FKRP: variants seen among roughly 807,000 people sequenced by gnomAD.
FKRP encodes the protein fukutin related protein.
A neutral mutation model predicts 30.6 loss-of-function variants in FKRP; 25 were observed. The ratio of observed to expected loss-of-function variants is 0.82; its 90% CI spans 0.60 to 1.14. The LOEUF is 1.14. FKRP is among the 50% of genes most tolerant of loss of function. FKRP has a pLI of 0.00. For missense variants in FKRP, 771 were observed against 727.8 expected, an observed-to-expected ratio of 1.06 and a Z score of -0.68; for synonymous variants, 358 against 342.5, an observed-to-expected ratio of 1.05 and a Z score of -0.50.
Position 46,755,777 on chromosome 19 carries a change from C to T in FKRP, c.327C>T (p.Asp109=), listed in dbSNP as rs1321583236. The T allele has an allele frequency of 2.0e-6, 3 of 1,529,714 alleles. No homozygotes were observed. Among genetic ancestry groups the T allele is most frequent in the Non-Finnish European group, 2.6e-6 (3 of 1,142,248 alleles). 94.8% of individuals were successfully genotyped at this position (1,529,714 alleles called of 1,614,324 possible). Reference sequence around the variant, plus strand: ...TGGCGCTGCTCCAGCCCGCCCTGGACCGGCCAGCCGCAGCCTCGCGCCCGG... The same window carrying T: ...TGGCGCTGCTCCAGCCCGCCCTGGATCGGCCAGCCGCAGCCTCGCGCCCGG... ...VRLALLQPAL[D]RPAAASRPET... The change falls in exon 4 of 4, where the codon GAC becomes GAT. Residue 109 remains aspartate, a synonymous_variant. Coordinates refer to ENST00000318584, the MANE Select transcript of FKRP (RefSeq NM_024301.5).
chr19:46,756,718 G>C lies in FKRP; in HGVS notation c.1268G>C (p.Arg423Pro), dbSNP rs886042367. 2 of 1,611,330 alleles carry C rather than the reference G, an allele frequency of 1.2e-6. No homozygotes were observed. The highest frequency in any genetic ancestry group is 1.7e-6 in the Non-Finnish European group (2 of 1,178,976). Reference sequence around the variant, plus strand: ...GTGGACCTGTGGCCCTTCTACCCCCGCAATGGCGTCATGACCAAGGACACG... The same window carrying C: ...GTGGACCTGTGGCCCTTCTACCCCCCCAATGGCGTCATGACCAAGGACACG... ...LHVDLWPFYPRNGVMTKDTWL... is the reference protein window; with the variant it reads ...LHVDLWPFYPPNGVMTKDTWL... The change falls in exon 4 of 4, where the codon CGC (arginine) becomes CCC (proline). Residue 423 changes from arginine (R) to proline (P), a missense_variant. By Grantham distance (103) the Arg-to-Pro change is moderately radical. Transcript: ENST00000318584. The surrounding 1 kb of genome is among the most constrained non-coding windows in gnomAD (Gnocchi z 6.6).
chr19:46,752,857 G>T (rs113147545), intron 3 of FKRP, among the ~76,000 whole-genome samples: 1 of 151,894 alleles, frequency 6.6e-6, no homozygotes, highest in African/African-American at 2.4e-5. Flanking sequence ...AGAGCAAGAC[G>T]CTGTCCGTTT....
chr19:46,746,048 C>CGG, upstream of FKRP: 1 of 1,033,980 alleles, frequency 9.7e-7, no homozygotes, highest in Non-Finnish European at 1.2e-6. Context: ...CGCCGGCCGT[C>CGG]CCGGCGGCCA....
chr19:46,756,604 CGGT>C lies in FKRP; in HGVS notation c.1160_1162del (p.Val387del), dbSNP rs1216471322. On this transcript the variant is annotated inframe_deletion, in exon 4 of 4. Coordinates refer to ENST00000318584, the MANE Select transcript of FKRP (RefSeq NM_024301.5). The surrounding 1 kb of genome is among the most constrained non-coding windows in gnomAD (Gnocchi z 6.6). ...CAGCTGCGGGGGGCAGAGGCCGGCTCGGTGGTGGATGAGCGCGGCTTCGTATGG... is the reference window on the plus strand; with the variant it reads ...CAGCTGCGGGGGGCAGAGGCCGGCTCGGTGGATGAGCGCGGCTTCGTATGG... 1 of 1,611,280 alleles carries C rather than the reference CGGT, an allele frequency of 6.2e-7. No individual in the cohort carries two copies. Among genetic ancestry groups the C allele is most frequent in the Non-Finnish European group, 8.5e-7 (1 of 1,179,190 alleles).
In FKRP at chr19:46,756,640, C is replaced by T. The variant is rs767570224; in HGVS notation, c.1190C>T (p.Ala397Val). Reference protein sequence around the residue: ...VDERGFVWEKAVEGDFFRVQY... With the variant: ...VDERGFVWEKVVEGDFFRVQY... ...GAGCGCGGCTTCGTATGGGAGAAGG[C>T]GGTCGAGGGCGACTTTTTCCGCGTG... The change falls in exon 4 of 4, where the codon GCG (alanine) becomes GTG (valine). Residue 397 changes from alanine (A) to valine (V), a missense_variant. Transcript: ENST00000318584. This position sits in a 1 kb window ranked among gnomAD's most constrained non-coding sequence, Gnocchi z 6.6. The T allele has an allele frequency of 6.8e-6, 11 of 1,612,976 alleles. No homozygotes were observed. The highest frequency in any genetic ancestry group is 1.7e-5 in the Admixed American group (1 of 59,834).
Position 46,756,273 on chromosome 19 carries a change from C to A in FKRP, c.823C>A (p.Arg275Ser). The part of the protein sequence containing the change: ...RAALLRALGI[R>S]LVSWEGGRLE... ...GGCGCTGCTCCGCGCGCTGGGCATCCGCCTAGTGAGCTGGGAAGGCGGGCG... is the reference window on the plus strand; with the variant it reads ...GGCGCTGCTCCGCGCGCTGGGCATCAGCCTAGTGAGCTGGGAAGGCGGGCG... The change falls in exon 4 of 4, where the codon CGC becomes AGC. Residue 275 changes from arginine (R) to serine (S), a missense_variant. Coordinates refer to ENST00000318584, the MANE Select transcript of FKRP (RefSeq NM_024301.5). This position sits in a 1 kb window ranked among gnomAD's most constrained non-coding sequence, Gnocchi z 6.6. 1 of 1,510,330 alleles carries A rather than the reference C, an allele frequency of 6.6e-7. No individual in the cohort carries two copies. The allele number at this position is 1,510,330 out of a possible 1,614,324, so 93.6% of individuals were successfully genotyped here.
At position 46,757,111 on chromosome 19, in the gene FKRP, A is replaced by C; in HGVS notation, c.*173A>C. The C allele has an allele frequency of 1.1e-6, 1 of 890,194 alleles. No homozygotes were observed. The highest frequency in any genetic ancestry group is 2.3e-5 in the Admixed American group (1 of 43,378). The allele number at this position is 890,194 out of a possible 1,614,324, so 55.1% of individuals were successfully genotyped here. ...CTGGCATTGGCAGGAGGAGAGCACC[A>C]GGACGAGGATGGGAAGCGACCTCCA... On this transcript the variant is annotated 3_prime_UTR_variant, in exon 4 of 4. Coordinates refer to ENST00000318584, the MANE Select transcript of FKRP (RefSeq NM_024301.5).
Position 46,757,026 on chromosome 19 carries a change from C to G in FKRP, c.*88C>G. 3 of 1,532,862 alleles carry G rather than the reference C, an allele frequency of 2.0e-6. No individual in the cohort carries two copies. Among genetic ancestry groups the G allele is most frequent in the South Asian group, 1.2e-5 (1 of 86,380 alleles). The allele number at this position is 1,532,862 out of a possible 1,614,324, so 95.0% of individuals were successfully genotyped here. A position where few individuals can be genotyped will look rare whatever the true frequency, so the allele number is the denominator to read the frequency against. On this transcript the variant is annotated 3_prime_UTR_variant, in exon 4 of 4. Coordinates refer to ENST00000318584, the MANE Select transcript of FKRP (RefSeq NM_024301.5). ...AGCGGTGAGGGGTGGAGGGATGTCG[C>G]GGAGAGGGGAAGGGGGAAACTGACC...
At chr19:46,746,435 G>A (rs1318874872) in intron 1 of FKRP, 3 of 1,013,708 alleles carry the variant, frequency 3.0e-6, no homozygotes, top group African/African-American at 1.8e-5. Context: ...CATCATGGAG[G>A]CCCCGGGGCC....
At chr19:46,746,735 C>T (rs1441346090) in intron 1 of FKRP, 1 of 152,282 alleles carries the variant, frequency 6.6e-6, no homozygotes, top group Non-Finnish European at 1.5e-5. Flanking sequence ...CCCCCCTCCT[C>T]CCACTTCGCC....
Position 46,756,129 on chromosome 19 carries a change from G to A in FKRP, c.679G>A (p.Ala227Thr). ...PVGTSLFLQTALRGWAVQLLD... is the reference protein window; with the variant it reads ...PVGTSLFLQTTLRGWAVQLLD... The stretch of plus-strand genomic sequence containing the variant: ...GGGCACCAGCCTCTTTCTGCAGACC[G>A]CCCTTCGCGGCTGGGCGGTGCAGCT... Residue 227 changes from alanine (A) to threonine (T), a missense_variant, in exon 4 of 4, where the codon GCC (alanine) becomes ACC (threonine). Coordinates refer to ENST00000318584, the MANE Select transcript of FKRP (RefSeq NM_024301.5). The surrounding 1 kb of genome is among the most constrained non-coding windows in gnomAD (Gnocchi z 6.6). 1 of 1,500,280 alleles carries A rather than the reference G, an allele frequency of 6.7e-7. No homozygotes were observed. Among genetic ancestry groups the A allele is most frequent in the Non-Finnish European group, 8.8e-7 (1 of 1,134,634 alleles). The allele number at this position is 1,500,280 out of a possible 1,614,324, so 92.9% of individuals were successfully genotyped here. A position where few individuals can be genotyped will look rare whatever the true frequency, so the allele number is the denominator to read the frequency against.
intron 1 of FKRP, chr19:46,746,313 C>CG: frequency 1.5e-6 from 2 of 1,356,984 alleles, no homozygotes; most frequent in South Asian, 1.6e-5. Context: ...GGGCCCGGCC[C>CG]GGGGGCAGGG....
intron 3 of FKRP, among the ~76,000 whole-genome samples, chr19:46,752,122 GGGCCACATTGA>G (rs1184088562): frequency 6.6e-6 from 1 of 152,158 alleles, no homozygotes; most frequent in Non-Finnish European, 1.5e-5. Flanking sequence ...GGGGCCTTAT[GGGCCACATTGA>G]GTACCTTGGC....
At position 46,755,723 on chromosome 19, in the gene FKRP, G is replaced by A. The variant is rs2054896422; in HGVS notation, c.273G>A (p.Leu91=). 2 of 1,575,434 alleles carry A rather than the reference G, an allele frequency of 1.3e-6. No individual in the cohort carries two copies. Among genetic ancestry groups the A allele is most frequent in the Admixed American group, 1.7e-5 (1 of 57,938 alleles). The part of the protein sequence containing the change: ...VAADTLPYPP[L]ALPRIPNVRL... ...CCGACACGCTCCCCTACCCGCCCCT[G>A]GCCCTGCCCCGCATCCCCAACGTGC... The change falls in exon 4 of 4, where the codon CTG becomes CTA. Residue 91 remains leucine, a synonymous_variant. Transcript: ENST00000318584.
chr19:46,756,507 C>A lies in FKRP; in HGVS notation c.1057C>A (p.His353Asn). The A allele has an allele frequency of 6.3e-7, 1 of 1,580,802 alleles. No homozygotes were observed. The highest frequency in any genetic ancestry group is 8.6e-7 in the Non-Finnish European group (1 of 1,164,928). ...EGGSLLGAAR[H>N]GDIIPWDYDV... The stretch of plus-strand genomic sequence containing the variant: ...CGGCTCACTGCTGGGGGCCGCCCGC[C>A]ACGGGGACATCATCCCATGGGACTA... The change falls in exon 4 of 4, where the codon CAC becomes AAC. Residue 353 changes from histidine (H) to asparagine (N), a missense_variant. By Grantham distance (68) the His-to-Asn change is moderately conservative (BLOSUM62 1). Transcript: ENST00000318584. This position sits in a 1 kb window ranked among gnomAD's most constrained non-coding sequence, Gnocchi z 6.6.
chr19:46,747,976 C>G (rs1005924105), intron 1 of FKRP, 51 bp from the exon 2 acceptor site: 2 of 152,192 alleles, frequency 1.3e-5, no homozygotes, highest in African/African-American at 4.8e-5. Context: ...AAATTGTGCT[C>G]TATTGTACGG....
At chr19:46,746,541 G>C in intron 1 of FKRP, 3 of 582,118 alleles carry the variant, frequency 5.2e-6, no homozygotes, top group Non-Finnish European at 6.5e-6. Context: ...CCCGGCGGGG[G>C]ACAGTAGGAA....
At chr19:46,747,395 T>TC (rs1183831168) in intron 1 of FKRP, 1 of 148,682 alleles carries the variant, frequency 6.7e-6, no homozygotes, top group Non-Finnish European at 1.5e-5. Context: ...GGATTTTTTT[T>TC]TTTTTTTTTT....
rs1458508263 is a variant in FKRP at position 46,756,283 on chromosome 19, G to A, written c.833G>A (p.Ser278Asn). ...CGCGCGCTGGGCATCCGCCTAGTGA[G>A]CTGGGAAGGCGGGCGGCTGGAGTGG... ...LLRALGIRLVSWEGGRLEWFG... is the reference protein window; with the variant it reads ...LLRALGIRLVNWEGGRLEWFG... Residue 278 changes from serine (S) to asparagine (N), a missense_variant, in exon 4 of 4, where the codon AGC becomes AAC. By Grantham distance (46) the Ser-to-Asn change is conservative. Transcript: ENST00000318584. This position sits in a 1 kb window ranked among gnomAD's most constrained non-coding sequence, Gnocchi z 6.6. The A allele has an allele frequency of 6.6e-7, 1 of 1,524,280 alleles. No homozygotes were observed. Among genetic ancestry groups the A allele is most frequent in the Non-Finnish European group, 8.8e-7 (1 of 1,139,738 alleles). 94.4% of individuals were successfully genotyped at this position (1,524,280 alleles called of 1,614,324 possible).
Sources: allele counts gnomAD v4.1 joint callset (sites outside exome capture counted in the v4.1 genomes callset), GRCh38; gene constraint gnomAD v4.1.1; non-coding constraint Gnocchi (gnomAD v3.1); transcripts MANE v1.5; gene names NCBI Gene and HGNC (gene_info 2026-07-23, HGNC 2026-07-21).